Variants in DEPDC1B observed in about 807,000 individuals in gnomAD.
DEPDC1B encodes DEP domain containing 1B.
A neutral mutation model predicts 66.5 loss-of-function variants in DEPDC1B; 51 were observed. That is an observed-to-expected ratio of 0.77 (90% CI 0.61 to 0.97). The LOEUF (loss-of-function observed/expected upper bound fraction) is 0.97. Ranked by LOEUF, DEPDC1B falls within the 50% of genes least tolerant of loss-of-function variation. DEPDC1B has a pLI of 0.00. For missense variants in DEPDC1B, 552 were observed against 637.1 expected (o/e 0.87, Z 1.44); for synonymous variants, 226 against 223.6 (o/e 1.01, Z -0.10).
chr5:60,610,045 T>C (rs1283582868), intron 7 of DEPDC1B, among the ~76,000 whole-genome samples: 3 of 152,174 alleles, frequency 2.0e-5, no homozygotes, highest in African/African-American at 7.2e-5. Flanking sequence ...GGGGTTCTTA[T>C]CATTTTCATT....
intron 2 of DEPDC1B, among the ~76,000 whole-genome samples, chr5:60,658,599 C>T (rs1317433775): frequency 6.6e-6 from 1 of 152,064 alleles, no homozygotes; most frequent in Non-Finnish European, 1.5e-5. Flanking sequence ...TAACTCAGCT[C>T]ACACCCAACT....
intron 1 of DEPDC1B, among the ~76,000 whole-genome samples, chr5:60,695,624 A>G (rs1467750833): frequency 6.6e-6 from 1 of 152,174 alleles, no homozygotes; most frequent in Admixed American, 6.5e-5. Context: ...AAATGAACAG[A>G]AATATTATTA....
At chr5:60,632,022 G>A (rs1309649075) in intron 7 of DEPDC1B, among the ~76,000 whole-genome samples, 2 of 152,206 alleles carry the variant, frequency 1.3e-5, no homozygotes, top group South Asian at 4.1e-4. Flanking sequence ...CTGTGCTGAT[G>A]AGGATGAAGA....
chr5:60,681,122 C>T (rs1242259016), intron 2 of DEPDC1B, among the ~76,000 whole-genome samples: 1 of 152,180 alleles, frequency 6.6e-6, no homozygotes, highest in Admixed American at 6.5e-5. Flanking sequence ...AGCAAGAACC[C>T]TTCAATGTCC....
intron 3 of DEPDC1B, 51 bp from the exon 4 acceptor site, chr5:60,645,670 C>T: frequency 6.5e-7 from 1 of 1,538,596 alleles, no homozygotes; most frequent in Admixed American, 2.0e-5. Context: ...GGTAGAAAGA[C>T]AGTGAATAAA....
chr5:60,627,853 A>G (rs1752838006), intron 7 of DEPDC1B, among the ~76,000 whole-genome samples: 1 of 152,164 alleles, frequency 6.6e-6, no homozygotes, highest in South Asian at 2.1e-4. Flanking sequence ...TTTAACTTTC[A>G]TGTTTTTATA....
chr5:60,692,953 A>G (rs1754579822), intron 1 of DEPDC1B, among the ~76,000 whole-genome samples: 1 of 152,134 alleles, frequency 6.6e-6, no homozygotes, highest in African/African-American at 2.4e-5. Flanking sequence ...GATCCATGAT[A>G]TTTAAAATAA....
intron 2 of DEPDC1B, among the ~76,000 whole-genome samples, chr5:60,655,803 T>A (rs1753561966): frequency 1.3e-5 from 2 of 149,068 alleles, no homozygotes; most frequent in Non-Finnish European, 2.9e-5. Flanking sequence ...TCCCAGAGAT[T>A]TTCATAGGTT....
intron 2 of DEPDC1B, among the ~76,000 whole-genome samples, chr5:60,679,576 T>G (rs928921471): frequency 1.3e-5 from 2 of 151,974 alleles, no homozygotes; most frequent in Non-Finnish European, 2.9e-5. Flanking sequence ...AAAAAAGGAA[T>G]GAGACAGGCA....
intron 1 of DEPDC1B, among the ~76,000 whole-genome samples, chr5:60,688,235 A>C (rs1182087912): frequency 6.6e-6 from 1 of 152,130 alleles, no homozygotes; most frequent in Non-Finnish European, 1.5e-5. Context: ...TTTTGAAAGA[A>C]TAGCTACTAG....
intron 1 of DEPDC1B, among the ~76,000 whole-genome samples, chr5:60,691,892 T>C (rs1166622209): frequency 6.6e-6 from 1 of 152,208 alleles, no homozygotes; most frequent in Non-Finnish European, 1.5e-5. Context: ...CACTCCCATG[T>C]CATTTACTAT....
chr5:60,618,911 C>G (rs1052234024), intron 7 of DEPDC1B, among the ~76,000 whole-genome samples: 3 of 152,184 alleles, frequency 2.0e-5, no homozygotes, highest in Non-Finnish European at 4.4e-5. Flanking sequence ...CAAACCGAAT[C>G]CAGCAGCACA....
chr5:60,648,357 C>G (rs1753369168), intron 2 of DEPDC1B, among the ~76,000 whole-genome samples: 1 of 152,194 alleles, frequency 6.6e-6, no homozygotes, highest in South Asian at 2.1e-4. Flanking sequence ...AAGCCTTAAA[C>G]TGCTTTCATG....
At chr5:60,673,114 G>T (rs968757132) in intron 2 of DEPDC1B, among the ~76,000 whole-genome samples, 1 of 152,082 alleles carries the variant, frequency 6.6e-6, no homozygotes, top group African/African-American at 2.4e-5. Context: ...CCGCGCCCTT[G>T]ATCACCCTGA....
chr5:60,613,013 T>C (rs1752455361), intron 7 of DEPDC1B, among the ~76,000 whole-genome samples: 1 of 152,262 alleles, frequency 6.6e-6, no homozygotes, highest in Non-Finnish European at 1.5e-5. Context: ...ACTTTTTAAA[T>C]GCATTGCTTT....
At chr5:60,697,690 G>GTTTA (rs1275355913) in intron 1 of DEPDC1B, among the ~76,000 whole-genome samples, 1 of 152,036 alleles carries the variant, frequency 6.6e-6, no homozygotes, top group African/African-American at 2.4e-5. Context: ...CCACATCTTA[G>GTTTA]TTTAATATTA....
At chr5:60,693,165 TAAAAAC>T (rs1754584092) in intron 1 of DEPDC1B, among the ~76,000 whole-genome samples, 1 of 152,100 alleles carries the variant, frequency 6.6e-6, no homozygotes, top group Admixed American at 6.5e-5. Context: ...AATTAACACC[TAAAAAC>T]AAAAACACAT....
intron 4 of DEPDC1B, 124 bp downstream of exon 4, chr5:60,645,368 G>T: frequency 3.1e-6 from 3 of 953,752 alleles, no homozygotes; most frequent in Non-Finnish European, 4.4e-6. Context: ...GATCACAACT[G>T]CAAATAATGC....
At chr5:60,677,147 T>G (rs1423135312) in intron 2 of DEPDC1B, among the ~76,000 whole-genome samples, 1 of 152,142 alleles carries the variant, frequency 6.6e-6, no homozygotes, top group African/African-American at 2.4e-5. Context: ...TAGAAAAAAC[T>G]TGATGACTAA....
Sources: allele counts gnomAD v4.1 joint callset (sites outside exome capture counted in the v4.1 genomes callset), GRCh38; gene constraint gnomAD v4.1.1; transcripts MANE v1.5; gene names NCBI Gene and HGNC (gene_info 2026-07-23, HGNC 2026-07-21).